Variants in LMNTD1 observed in about 807,000 individuals in gnomAD.
LMNTD1 encodes the protein lamin tail domain containing 1.
A neutral mutation model predicts 50.9 loss-of-function variants in LMNTD1; 35 were observed. The ratio of observed to expected loss-of-function variants is 0.69; its 90% CI spans 0.53 to 0.91. The LOEUF (loss-of-function observed/expected upper bound fraction) is 0.91. LMNTD1 is among the 40% of genes least tolerant of loss of function. The probability of loss-of-function intolerance (pLI) is 0.00; values close to 1 mark genes in which losing one functional copy is unlikely to be tolerated. For missense variants in LMNTD1, 470 were observed against 475.5 expected (o/e 0.99, Z 0.11); for synonymous variants, 153 against 161.9 (o/e 0.94, Z 0.42).
At chr12:25,632,060 C>T (rs546585776) in intron 1 of LMNTD1, among the ~76,000 whole-genome samples, 40 of 152,070 alleles carry the variant, frequency 2.6e-4, no homozygotes, top group African/African-American at 9.2e-4. Context: ...ATTCAGAGCT[C>T]GAAGACAAGG....
At chr12:25,648,509 C>T (rs1207125972) in exon 1 of LMNTD1, 4 of 1,551,530 alleles carry the variant, frequency 2.6e-6, no homozygotes, top group African/African-American at 2.7e-5. Flanking sequence ...TGGGTCTGGA[C>T]TCTGGAAACA....
At chr12:25,513,860 T>C (rs539885056) in intron 8 of LMNTD1, among the ~76,000 whole-genome samples, 1 of 152,086 alleles carries the variant, frequency 6.6e-6, no homozygotes, top group East Asian at 1.9e-4. Context: ...CTACAAACGA[T>C]ATACAAGAAT....
In LMNTD1 at chr12:25,644,360, C is replaced by T. The variant is rs376267274; in HGVS notation, c.58+4134G>A. 1.0e-4 allele frequency among the ~76,000 whole-genome samples: 15 copies of T among 149,254 alleles called. No homozygotes were observed. The East Asian group carries it at 1.6e-3, about 16-fold the overall frequency. On this transcript the variant is annotated intron_variant, in intron 1 of 7. Coordinates refer to the LMNTD1 transcript ENST00000445693. ...ATTAGCCAAGCATGGTGGCATGTGC[C>T]TGTGGTCTCAGCTACTCAAGAGGGT...
chr12:25,575,243 T>C (rs1248745859), intron 1 of LMNTD1, among the ~76,000 whole-genome samples: 1 of 152,010 alleles, frequency 6.6e-6, no homozygotes, highest in Non-Finnish European at 1.5e-5. Flanking sequence ...ACCTTTGCAA[T>C]GAGAGGAGGG....
intron 1 of LMNTD1, among the ~76,000 whole-genome samples, chr12:25,637,916 C>T (rs919000911): frequency 1.3e-5 from 2 of 151,988 alleles, no homozygotes; most frequent in Non-Finnish European, 2.9e-5. Flanking sequence ...AAACCACAGA[C>T]TAATATTCCA....
chr12:25,513,288 A>C (rs1424117660), intron 8 of LMNTD1, among the ~76,000 whole-genome samples: 1 of 152,212 alleles, frequency 6.6e-6, no homozygotes, highest in Non-Finnish European at 1.5e-5. Context: ...AACACGATAT[A>C]AATTTATAAG....
At chr12:25,476,751 G>A (rs1329623514) in intron 9 of LMNTD1, among the ~76,000 whole-genome samples, 3 of 152,020 alleles carry the variant, frequency 2.0e-5, no homozygotes, top group African/African-American at 7.2e-5. Context: ...TTTTTAATGT[G>A]GATATTTAAA....
chr12:25,585,890 T>C (rs533583722), intron 1 of LMNTD1: 1 of 152,356 alleles, frequency 6.6e-6, no homozygotes, highest in South Asian at 2.1e-4. Flanking sequence ...TCACAAACAT[T>C]AGCTAGTTCA....
Position 25,553,227 on chromosome 12 carries a change from A to G in LMNTD1, c.-189T>C. 6.6e-7 allele frequency: 1 copy of G among 1,505,246 alleles called. No homozygotes were observed. Among genetic ancestry groups the G allele is most frequent in the Non-Finnish European group, 8.8e-7 (1 of 1,131,024 alleles). The allele number at this position is 1,505,246 out of a possible 1,614,324, so 93.2% of individuals were successfully genotyped here. A position where few individuals can be genotyped will look rare whatever the true frequency, so the allele number is the denominator to read the frequency against. On this transcript the variant is annotated 5_prime_UTR_variant, in exon 1 of 10. It removes an upstream start codon present in the reference 5' UTR. Coordinates refer to ENST00000458174, the MANE Select transcript of LMNTD1 (RefSeq NM_001145728.2). ...ACAAACCATGGTGCAGGTGTGTAGC[A>G]TTCACTGGAAGCAGCTTGAGAGGGC... is the stretch of plus-strand genomic sequence containing the variant.
chr12:25,502,451 G>T (rs1321677502), intron 9 of LMNTD1, among the ~76,000 whole-genome samples: 2 of 152,182 alleles, frequency 1.3e-5, no homozygotes, highest in Non-Finnish European at 2.9e-5. Flanking sequence ...CATAACTCAG[G>T]ATCTCCGGGA....
intron 4 of LMNTD1, among the ~76,000 whole-genome samples, chr12:25,530,481 T>C (rs1464031688): frequency 6.6e-6 from 1 of 152,200 alleles, no homozygotes; most frequent in Non-Finnish European, 1.5e-5. Flanking sequence ...GTGTATTTCA[T>C]ATAAGGAGCT....
chr12:25,501,097 C>T (rs941330031), intron 9 of LMNTD1, among the ~76,000 whole-genome samples: 17 of 152,290 alleles, frequency 1.1e-4, no homozygotes, highest in Admixed American at 1.1e-3. Flanking sequence ...TCAAGCATTT[C>T]TCTTGCCTCA....
intron 1 of LMNTD1, among the ~76,000 whole-genome samples, chr12:25,599,627 A>T (rs1945918885): frequency 1.3e-5 from 2 of 152,134 alleles, no homozygotes; most frequent in Admixed American, 1.3e-4. Context: ...ATTAATATAC[A>T]AAAATCAGTA....
intron 1 of LMNTD1, among the ~76,000 whole-genome samples, chr12:25,591,439 AG>A (rs1377265799): frequency 2.0e-5 from 3 of 152,068 alleles, no homozygotes; most frequent in African/African-American, 7.2e-5. Context: ...AGGGGATGGA[AG>A]AGGGGGAAGG....
Position 25,520,020 on chromosome 12 carries a change from G to A in LMNTD1, c.854C>T (p.Ala285Val), listed in dbSNP as rs1484977539. 1 of 1,613,508 alleles carries A rather than the reference G, an allele frequency of 6.2e-7. No individual in the cohort carries two copies. Among genetic ancestry groups the A allele is most frequent in the South Asian group, 1.1e-5 (1 of 91,060 alleles). The change falls in exon 7 of 10, where the codon GCT becomes GTT. Residue 285 changes from alanine (A) to valine (V), a missense_variant. Physicochemically the swap from Ala to Val is moderately conservative, Grantham distance 64 (BLOSUM62 0). Coordinates refer to ENST00000458174, the MANE Select transcript of LMNTD1 (RefSeq NM_001145728.2). ...TGAACATCTGTTAAATTCAACGTCA[G>A]CATCTAATTTTTCCCACGCTTGCTT... ...HWKQAWEKLD[A>V]DVEFNRCSVV...
At chr12:25,480,173 C>G (rs1023475573) in intron 9 of LMNTD1, among the ~76,000 whole-genome samples, 2 of 152,214 alleles carry the variant, frequency 1.3e-5, no homozygotes, top group Non-Finnish European at 2.9e-5. Context: ...CAGACTTATT[C>G]ACACCTTCTT....
chr12:25,565,000 T>C (rs546665434), intron 1 of LMNTD1, among the ~76,000 whole-genome samples: 1 of 152,336 alleles, frequency 6.6e-6, no homozygotes, highest in Non-Finnish European at 1.5e-5. Flanking sequence ...TCTCTTCTTA[T>C]AGATTTTCTC....
intron 4 of LMNTD1, among the ~76,000 whole-genome samples, chr12:25,532,356 C>T (rs1352763051): frequency 6.6e-6 from 1 of 152,166 alleles, no homozygotes; most frequent in African/African-American, 2.4e-5. Flanking sequence ...TAGACTTACT[C>T]TTCCATCTTT....
chr12:25,594,827 T>A (rs1945806234), intron 1 of LMNTD1, among the ~76,000 whole-genome samples: 1 of 152,040 alleles, frequency 6.6e-6, no homozygotes, highest in Admixed American at 6.6e-5. Context: ...ATCTGCTGCC[T>A]TCAAGAGACT....
Sources: allele counts gnomAD v4.1 joint callset (sites outside exome capture counted in the v4.1 genomes callset), GRCh38; gene constraint gnomAD v4.1.1; transcripts MANE v1.5; gene names NCBI Gene and HGNC (gene_info 2026-07-23, HGNC 2026-07-21).